Variants in ZNF483 observed in about 807,000 individuals in gnomAD.
ZNF483 encodes the protein zinc finger protein 483, also known as zinc finger protein HIT-10.
ZNF483 carries 9 observed loss-of-function variants against 28.6 expected under a neutral mutation model. The ratio of observed to expected loss-of-function variants is 0.32; its 90% confidence interval spans 0.19 to 0.55. The LOEUF (loss-of-function observed/expected upper bound fraction) is 0.55, where lower values mean the gene tolerates loss of function less well. Among genes scored for constraint, ZNF483 ranks in the 20% least tolerant of loss-of-function variants. ZNF483 has a pLI of 0.93. For missense variants in ZNF483, 675 were observed against 871.7 expected (o/e 0.77, Z 2.84); for synonymous variants, 322 against 306.2 (o/e 1.05, Z -0.54).
rs1355568544 is a variant in ZNF483, at chr9:111,552,600, T to C, written c.*9430T>C. ...GGAAGATTGTCAAAAATATCTGCCA[T>C]GAGTTTGAGCCTTTAGGCAATGAAT... On this transcript the variant is annotated 3_prime_UTR_variant, in exon 6 of 6. Coordinates refer to ENST00000309235, the MANE Select transcript of ZNF483 (RefSeq NM_133464.5). 1.3e-5 allele frequency among the ~76,000 whole-genome samples: 2 copies of C among 152,202 alleles called. No homozygotes were observed. The highest frequency in any genetic ancestry group is 2.9e-5 in the Non-Finnish European group (2 of 68,024).
downstream of ZNF483, among the ~76,000 whole-genome samples, chr9:111,557,394 C>T (rs1828155338): frequency 6.6e-6 from 1 of 151,620 alleles, no homozygotes; most frequent in Admixed American, 6.6e-5. Flanking sequence ...AAAAAGATGA[C>T]TTGAACACAT....
Position 111,544,244 on chromosome 9 carries a change from A to G in ZNF483, c.*1074A>G. On this transcript the variant is annotated 3_prime_UTR_variant, in exon 6 of 6. Coordinates refer to ENST00000309235, the MANE Select transcript of ZNF483 (RefSeq NM_133464.5). ...TTGGTTTGCAAAAATTCTACTTTAA[A>G]ACAATTTTGCCTGTAGCAAGTACAT... 1 of 985,394 alleles carries G rather than the reference A, an allele frequency of 1.0e-6. No individual in the cohort carries two copies. The highest frequency in any genetic ancestry group is 1.1e-4 in the East Asian group (1 of 8,816). 61.0% of individuals were successfully genotyped at this position (985,394 alleles called of 1,614,324 possible).
Position 111,542,782 on chromosome 9 carries a change from T to A in ZNF483, c.1847T>A (p.Phe616Tyr), listed in dbSNP as rs1471491365. Residue 616 changes from phenylalanine (F) to tyrosine (Y), a missense_variant, in exon 6 of 6, where the codon TTT (phenylalanine) becomes TAT (tyrosine). This residue lies in a region of ZNF483 where 47 missense variants were observed against 93.5 expected (regional missense o/e 0.50). Coordinates refer to ENST00000309235, the MANE Select transcript of ZNF483 (RefSeq NM_133464.5). This position sits in a 1 kb window ranked among gnomAD's most constrained non-coding sequence, Gnocchi z 6.2. ...PYLCNDCGMT[F>Y]SHFTSVIYHQ... ...TTGTGTAATGATTGCGGAATGACTT[T>A]TAGCCATTTTACGTCTGTGATTTAT... 6.2e-7 allele frequency: 1 copy of A among 1,614,078 alleles called. No homozygotes were observed. Among genetic ancestry groups the A allele is most frequent in the South Asian group, 1.1e-5 (1 of 91,074 alleles).
chr9:111,570,598 C>T (rs553247574), intron 5 of ZNF483, among the ~76,000 whole-genome samples: 2 of 151,202 alleles, frequency 1.3e-5, no homozygotes, highest in African/African-American at 2.4e-5. Context: ...GTGAAACCCC[C>T]GTCTCTTCTA....
At chr9:111,570,704 G>A (rs968792496) in intron 5 of ZNF483, among the ~76,000 whole-genome samples, 11 of 151,900 alleles carry the variant, frequency 7.2e-5, no homozygotes, top group Non-Finnish European at 1.5e-4. Flanking sequence ...GCTTGAACCC[G>A]ACAGGTGGAG....
intron 5 of ZNF483, chr9:111,562,971 A>G: frequency 1.4e-6 from 2 of 1,412,270 alleles, no homozygotes; most frequent in Non-Finnish European, 1.8e-6. Context: ...CACTAATTAC[A>G]TACCACTTAA....
At chr9:111,534,019 C>T (rs1288084539) in intron 4 of ZNF483, among the ~76,000 whole-genome samples, 154 bp downstream of exon 4, 2 of 152,154 alleles carry the variant, frequency 1.3e-5, no homozygotes, top group African/African-American at 4.8e-5. Context: ...TGAAAATGTG[C>T]TTTTCTGCAG....
Position 111,542,023 on chromosome 9 carries a change from ATGG to A in ZNF483, c.1092_1094del (p.Gly365del). On this transcript the variant is annotated inframe_deletion, in exon 6 of 6. Coordinates refer to ENST00000309235, the MANE Select transcript of ZNF483 (RefSeq NM_133464.5). This position sits in a 1 kb window ranked among gnomAD's most constrained non-coding sequence, Gnocchi z 6.2. ...GGAGAAAAGTCACGGAAATCTAATGATGGTGGGAAAGTCCTGAGTCACTCTTCA... is the reference window on the plus strand; with the variant it reads ...GGAGAAAAGTCACGGAAATCTAATGATGGGAAAGTCCTGAGTCACTCTTCA... 1 of 1,614,058 alleles carries A rather than the reference ATGG, an allele frequency of 6.2e-7. No individual in the cohort carries two copies. Among genetic ancestry groups the A allele is most frequent in the Non-Finnish European group, 8.5e-7 (1 of 1,179,942 alleles).
Position 111,548,716 on chromosome 9 carries a change from T to G in ZNF483, c.*5546T>G, listed in dbSNP as rs1289736602. The stretch of plus-strand genomic sequence containing the variant: ...TCATTCCGTATGATGTTAGCTGTGG[T>G]CTTTTCATATTTGACCTTTATTATG... On this transcript the variant is annotated 3_prime_UTR_variant, in exon 6 of 6. Coordinates refer to ENST00000309235, the MANE Select transcript of ZNF483 (RefSeq NM_133464.5). Among the ~76,000 whole-genome samples, 1 of 152,198 alleles carries G rather than the reference T, an allele frequency of 6.6e-6. No individual in the cohort carries two copies. Among genetic ancestry groups the G allele is most frequent in the Non-Finnish European group, 1.5e-5 (1 of 68,032 alleles).
chr9:111,526,486 A>T (rs528880356), intron 1 of ZNF483, among the ~76,000 whole-genome samples: 1 of 152,264 alleles, frequency 6.6e-6, no homozygotes, highest in South Asian at 2.1e-4. Flanking sequence ...GTGAGACTGG[A>T]GTGAAGAACC....
At chr9:111,567,783 G>A (rs1219065218) in intron 5 of ZNF483, among the ~76,000 whole-genome samples, 1 of 152,180 alleles carries the variant, frequency 6.6e-6, no homozygotes, top group Non-Finnish European at 1.5e-5. Context: ...AAAGATGGGA[G>A]GCCAGGTAGA....
intron 5 of ZNF483, among the ~76,000 whole-genome samples, chr9:111,561,519 C>T (rs1183655163): frequency 6.6e-6 from 1 of 152,170 alleles, no homozygotes; most frequent in African/African-American, 2.4e-5. Flanking sequence ...ACCTTAGCCT[C>T]CCAAAGAGCT....
At position 111,554,438 on chromosome 9, in the gene ZNF483, T is replaced by A. The variant is rs904410245; in HGVS notation, c.*11268T>A. ...ATTATTTCTACCACAGTCTGTTCTT[T>A]CGGTCACCAAACTCTTTCTTCCCAC... On this transcript the variant is annotated 3_prime_UTR_variant, in exon 6 of 6. Transcript: ENST00000309235. Among the ~76,000 whole-genome samples, 2 of 152,202 alleles carry A rather than the reference T, an allele frequency of 1.3e-5. No homozygotes were observed. The highest frequency in any genetic ancestry group is 3.8e-4 in the East Asian group (2 of 5,198).
intron 5 of ZNF483, among the ~76,000 whole-genome samples, chr9:111,534,718 CTT>C (rs67740162): frequency 1.1e-3 from 98 of 88,118 alleles, no homozygotes; most frequent in South Asian, 3.5e-3. Context: ...GTCGTTCTAT[CTT>C]TTTTTTTTTT....
At chr9:111,572,665 G>T (rs1828871820) in intron 5 of ZNF483, among the ~76,000 whole-genome samples, 1 of 148,628 alleles carries the variant, frequency 6.7e-6, no homozygotes, top group Admixed American at 6.8e-5. Context: ...GCTGAGGTGG[G>T]AGGATCACTT....
chr9:111,530,667 C>T (rs1361206275), intron 2 of ZNF483, among the ~76,000 whole-genome samples: 1 of 148,760 alleles, frequency 6.7e-6, no homozygotes, highest in African/African-American at 2.5e-5. Flanking sequence ...GGGGGAAACA[C>T]CCCCACATAT....
exon 6 of ZNF483, chr9:111,577,504 A>C (rs1331589051): frequency 6.6e-6 from 1 of 152,242 alleles, no homozygotes; most frequent in Non-Finnish European, 1.5e-5. Flanking sequence ...AAACCTCTGC[A>C]TGAATGTTCA....
In ZNF483 at chr9:111,544,494, C is replaced by T. The variant is rs1046688660; in HGVS notation, c.*1324C>T. On this transcript the variant is annotated 3_prime_UTR_variant, in exon 6 of 6. Coordinates refer to ENST00000309235, the MANE Select transcript of ZNF483 (RefSeq NM_133464.5). Reference sequence around the variant, plus strand: ...ATTTATGTAAAGCACTCAGCTGGTCCTGGGTAGCAGCTGCCACCTTTTGAT... The same window carrying T: ...ATTTATGTAAAGCACTCAGCTGGTCTTGGGTAGCAGCTGCCACCTTTTGAT... The T allele has an allele frequency of 2.4e-5, 11 of 461,254 alleles. No homozygotes were observed. Among genetic ancestry groups the T allele is most frequent in the Non-Finnish European group, 3.1e-5 (11 of 350,530 alleles). The allele number at this position is 461,254 out of a possible 1,614,324, so 28.6% of individuals were successfully genotyped here.
chr9:111,559,253 C>G (rs115433209), downstream of ZNF483, among the ~76,000 whole-genome samples: 7 of 152,244 alleles, frequency 4.6e-5, no homozygotes, highest in African/African-American at 1.7e-4. Flanking sequence ...CACCCCTTCA[C>G]GTGCACACCT....
Sources: gnomAD v4.1 joint callset for allele counts (sites outside exome capture counted in the v4.1 genomes callset) on GRCh38, gnomAD v4.1.1 for gene constraint, gnomAD v4.1.1 regional missense constraint, Gnocchi (gnomAD v3.1) non-coding constraint, MANE v1.5 for transcripts, NCBI Gene and HGNC (gene_info 2026-07-23, HGNC 2026-07-21) for gene names.